Variants in LRRTM3 observed in about 807,000 individuals in gnomAD.
LRRTM3 encodes leucine-rich repeat transmembrane neuronal protein 3.
LRRTM3 carries 24 observed loss-of-function variants against 44.7 expected under a neutral mutation model. That is an observed-to-expected ratio of 0.54 (90% CI 0.39 to 0.76). The LOEUF is 0.76. Among genes scored for constraint, LRRTM3 ranks in the 30% least tolerant of loss-of-function variants. The pLI is 0.00. For synonymous variants in LRRTM3, 277 were observed against 278.7 expected (o/e 0.99, Z 0.06); for missense variants, 587 against 702.2 (o/e 0.84, Z 1.85).
At chr10:67,074,374 G>T (rs1856632983) in intron 2 of LRRTM3, among the ~76,000 whole-genome samples, 1 of 100,788 alleles carries the variant, frequency 9.9e-6, no homozygotes, top group Non-Finnish European at 1.9e-5. Context: ...TTTTTGAGAC[G>T]GAGTCTCGCT....
chr10:67,046,868 T>G (rs183803429), intron 2 of LRRTM3, among the ~76,000 whole-genome samples: 13 of 152,222 alleles, frequency 8.5e-5, no homozygotes, highest in Non-Finnish European at 1.6e-4. Context: ...GAATTAAGGG[T>G]CCAAAGAAAA....
At chr10:67,004,003 C>T (rs1421089316) in intron 2 of LRRTM3, among the ~76,000 whole-genome samples, 1 of 151,938 alleles carries the variant, frequency 6.6e-6, no homozygotes, top group Non-Finnish European at 1.5e-5. Context: ...GCAACAATTA[C>T]AAATATTGAG....
intron 2 of LRRTM3, among the ~76,000 whole-genome samples, chr10:66,986,351 G>T (rs1850726659): frequency 6.6e-6 from 1 of 151,950 alleles, no homozygotes; most frequent in Non-Finnish European, 1.5e-5. Flanking sequence ...ACAAAAATTA[G>T]CCAGGCATGG....
Position 66,928,222 on chromosome 10 carries a change from C to A in LRRTM3, c.1306C>A (p.Leu436Met). 2.5e-6 allele frequency: 4 copies of A among 1,614,154 alleles called. No individual in the cohort carries two copies. In the East Asian group the frequency reaches 6.7e-5, roughly 27 times the overall value. ...TTTCCTGTCCGTGCTCGTCATCCTG[C>A]TGGTTATCTACGTGTCATGGAAGCG... is the stretch of plus-strand genomic sequence containing the variant. ...ALFLSVLVIL[L>M]VIYVSWKRYP... The change falls in exon 2 of 3, where the codon CTG (leucine) becomes ATG (methionine). Residue 436 changes from leucine to methionine, a missense_variant. Leu to Met is a conservative substitution (Grantham distance 15). Coordinates refer to ENST00000361320, the MANE Select transcript of LRRTM3 (RefSeq NM_178011.5).
intron 2 of LRRTM3, among the ~76,000 whole-genome samples, chr10:67,056,760 T>C (rs1855455405): frequency 6.6e-6 from 1 of 152,198 alleles, no homozygotes; most frequent in South Asian, 2.1e-4. Context: ...AAGTACTTTA[T>C]ATGACAACTA....
Position 66,927,095 on chromosome 10 carries a change from C to T in LRRTM3, c.179C>T (p.Ser60Phe), listed in dbSNP as rs1475952195. ...QKLQEIPSSI[S>F]AGCLGLSLRY... ...TTACAGGAGATACCCTCAAGTATAT[C>T]TGCTGGTTGCTTAGGTTTGTCCCTT... The change falls in exon 2 of 3, where the codon TCT (serine) becomes TTT (phenylalanine). Residue 60 changes from serine to phenylalanine, a missense_variant. Ser to Phe is a radical substitution (Grantham distance 155). Around this residue, in one of 3 missense-constraint regions of LRRTM3, gnomAD observed 222 missense variants for 323.3 expected, o/e 0.69. Transcript: ENST00000361320. This position sits in a 1 kb window ranked among gnomAD's most constrained non-coding sequence, Gnocchi z 4.7. 6.2e-7 allele frequency: 1 copy of T among 1,614,038 alleles called. No homozygotes were observed. Among genetic ancestry groups the T allele is most frequent in the African/African-American group, 1.3e-5 (1 of 74,940 alleles).
intron 2 of LRRTM3, among the ~76,000 whole-genome samples, chr10:67,086,891 T>C (rs192265177): frequency 1.7e-3 from 261 of 152,118 alleles, no homozygotes; most frequent in African/African-American, 5.8e-3. Flanking sequence ...AAACATTAAC[T>C]GATGTAGTGT....
intron 2 of LRRTM3, among the ~76,000 whole-genome samples, chr10:67,033,828 T>C (rs186428062): frequency 1.0e-3 from 157 of 152,294 alleles, no homozygotes; most frequent in Non-Finnish European, 1.8e-3. Flanking sequence ...TGGAGTGCAG[T>C]GGTGCGATCT....
At chr10:67,071,628 T>G (rs1856470751) in intron 2 of LRRTM3, among the ~76,000 whole-genome samples, 2 of 152,162 alleles carry the variant, frequency 1.3e-5, no homozygotes, top group African/African-American at 4.8e-5. Context: ...TTGCTAAACT[T>G]CTTGAACTTG....
chr10:67,047,134 C>T (rs1854804745), intron 2 of LRRTM3, among the ~76,000 whole-genome samples: 2 of 152,202 alleles, frequency 1.3e-5, no homozygotes, highest in Non-Finnish European at 2.9e-5. Flanking sequence ...CACTTATCTT[C>T]TCCCATCCCA....
At chr10:66,947,434 AG>A (rs1373710747) in intron 2 of LRRTM3, among the ~76,000 whole-genome samples, 1 of 152,160 alleles carries the variant, frequency 6.6e-6, no homozygotes, top group African/African-American at 2.4e-5. Flanking sequence ...CCATGGGGAA[AG>A]GGGAATGGTT....
At chr10:66,954,579 T>A (rs1848696696) in intron 2 of LRRTM3, among the ~76,000 whole-genome samples, 1 of 152,136 alleles carries the variant, frequency 6.6e-6, no homozygotes, top group African/African-American at 2.4e-5. Context: ...ATACATAAAC[T>A]TAGCTTCAGT....
At chr10:67,078,567 A>G (rs1856861335) in intron 2 of LRRTM3, among the ~76,000 whole-genome samples, 1 of 151,858 alleles carries the variant, frequency 6.6e-6, no homozygotes, top group Admixed American at 6.6e-5. Context: ...CCCAGGCTGG[A>G]GTGCAGTGGT....
chr10:67,050,875 C>T (rs1406130150), intron 2 of LRRTM3, among the ~76,000 whole-genome samples: 1 of 152,200 alleles, frequency 6.6e-6, no homozygotes, highest in Admixed American at 6.5e-5. Context: ...GTTTGGATTA[C>T]TTACATACGT....
At chr10:66,995,574 T>C (rs1393608097) in intron 2 of LRRTM3, among the ~76,000 whole-genome samples, 2 of 152,218 alleles carry the variant, frequency 1.3e-5, no homozygotes, top group Admixed American at 6.5e-5. Flanking sequence ...CAGGATAAAT[T>C]ACAAATCCTT....
intron 2 of LRRTM3, among the ~76,000 whole-genome samples, chr10:66,933,925 C>T (rs1847547696): frequency 6.6e-6 from 1 of 152,092 alleles, no homozygotes; most frequent in South Asian, 2.1e-4. Context: ...GTTCCTATGG[C>T]ATATCTAAAG....
At chr10:67,030,874 G>A (rs1853679165) in intron 2 of LRRTM3, among the ~76,000 whole-genome samples, 1 of 152,042 alleles carries the variant, frequency 6.6e-6, no homozygotes, top group African/African-American at 2.4e-5. Flanking sequence ...TGTGGTGGCG[G>A]GAGTCTGTAA....
intron 2 of LRRTM3, among the ~76,000 whole-genome samples, chr10:66,974,683 C>G (rs559760820): frequency 6.6e-6 from 1 of 152,032 alleles, no homozygotes; most frequent in South Asian, 2.1e-4. Context: ...TAATATGTGA[C>G]TTTTTGTTTT....
At chr10:66,964,852 A>G (rs528300460) in intron 2 of LRRTM3, among the ~76,000 whole-genome samples, 1 of 152,292 alleles carries the variant, frequency 6.6e-6, no homozygotes, top group Admixed American at 6.5e-5. Flanking sequence ...GCTCACAGAA[A>G]AGTCAAGTTC....
Sources: allele counts gnomAD v4.1 joint callset (sites outside exome capture counted in the v4.1 genomes callset), GRCh38; gene constraint gnomAD v4.1.1; regional missense constraint gnomAD v4.1.1; non-coding constraint Gnocchi (gnomAD v3.1); transcripts MANE v1.5; gene names NCBI Gene and HGNC (gene_info 2026-07-23, HGNC 2026-07-21).